CLCN6: variants seen among roughly 807,000 people sequenced by gnomAD.
CLCN6 encodes H(+)/Cl(-) exchange transporter 6.
CLCN6 carries 70 observed loss-of-function variants against 109.8 expected under a neutral mutation model. The ratio of observed to expected loss-of-function variants is 0.64; its 90% confidence interval spans 0.53 to 0.78. The LOEUF is 0.78. Ranked by LOEUF, CLCN6 falls within the 30% of genes least tolerant of loss-of-function variation. The pLI is 0.00. For missense variants in CLCN6, 984 were observed against 1,142.3 expected (o/e 0.86, Z 2.00); for synonymous variants, 444 against 447.8 (o/e 0.99, Z 0.11).
At chr1:11,827,808 T>G (rs1490763139) in intron 10 of CLCN6, among the ~76,000 whole-genome samples, 1 of 152,242 alleles carries the variant, frequency 6.6e-6, no homozygotes, top group Non-Finnish European at 1.5e-5. Flanking sequence ...GTCTTCTCCC[T>G]CAGAGCAGGC....
chr1:11,830,789 C>T (rs879364145), intron 13 of CLCN6, among the ~76,000 whole-genome samples: 42,335 of 120,358 alleles, frequency 0.35, 6,719 homozygotes, highest in Middle Eastern at 0.49. Flanking sequence ...TATATACACA[C>T]ACACACACAC....
At chr1:11,825,393 A>G (rs1644798902) in intron 8 of CLCN6, among the ~76,000 whole-genome samples, 1 of 152,248 alleles carries the variant, frequency 6.6e-6, no homozygotes, top group Non-Finnish European at 1.5e-5. Flanking sequence ...TTTGTGGGGC[A>G]GACAGAGGAC....
chr1:11,816,532 T>C, intron 3 of CLCN6, 83 bp from the exon 4 acceptor site: 2 of 1,317,762 alleles, frequency 1.5e-6, no homozygotes, highest in Non-Finnish European at 2.1e-6. Context: ...GAATTTAGCT[T>C]AAAACTGGTT....
At chr1:11,809,539 AC>A (rs1644570780) in intron 2 of CLCN6, among the ~76,000 whole-genome samples, 1 of 151,572 alleles carries the variant, frequency 6.6e-6, no homozygotes, top group Non-Finnish European at 1.5e-5. Flanking sequence ...TGCGACCTCC[AC>A]CCCCGCCTCT....
intron 4 of CLCN6, among the ~76,000 whole-genome samples, chr1:11,817,075 G>A (rs970712760): frequency 1.3e-5 from 2 of 151,774 alleles, no homozygotes; most frequent in Non-Finnish European, 2.9e-5. Context: ...AATAATGGAA[G>A]TTAAAGTTAC....
chr1:11,834,117 G>C lies in CLCN6; in HGVS notation c.1526+87G>C, dbSNP rs2100653292. The C allele has an allele frequency of 6.3e-7, 1 of 1,593,322 alleles. No homozygotes were observed. Among genetic ancestry groups the C allele is most frequent in the Non-Finnish European group, 8.5e-7 (1 of 1,170,330 alleles). On this transcript the variant is annotated intron_variant, in intron 15 of 22. Coordinates refer to ENST00000346436, the MANE Select transcript of CLCN6 (RefSeq NM_001286.5). This position sits in a 1 kb window ranked among gnomAD's most constrained non-coding sequence, Gnocchi z 4.5. The stretch of plus-strand genomic sequence containing the variant: ...GCATGTGTGTGCGTGTGCGTGCGTT[G>C]ATGTGTCTGTGCCCATGCATGCACA...
chr1:11,806,830 A>C, intron 1 of CLCN6: 1 of 410,040 alleles, frequency 2.4e-6, no homozygotes, highest in Non-Finnish European at 4.4e-6. Context: ...GATACGTCAC[A>C]CTGTCAAATG....
At chr1:11,812,130 AG>A (rs1255645877) in intron 2 of CLCN6, among the ~76,000 whole-genome samples, 1 of 152,160 alleles carries the variant, frequency 6.6e-6, no homozygotes, top group African/African-American at 2.4e-5. Context: ...AAAAAGTAGT[AG>A]GTTGTCACCT....
At chr1:11,824,961 C>T (rs1437633520) in intron 8 of CLCN6, among the ~76,000 whole-genome samples, 1 of 152,204 alleles carries the variant, frequency 6.6e-6, no homozygotes, top group African/African-American at 2.4e-5. Flanking sequence ...GTCATAATAA[C>T]TGCTGCTAAT....
In CLCN6 at chr1:11,835,706, G is replaced by A. The variant is rs552754796; in HGVS notation, c.1794-261G>A. On this transcript the variant is annotated intron_variant, in intron 17 of 22. Transcript: ENST00000346436. ...CCAGCAGCCAGGGCTTCCTGGTGAG[G>A]GGATGTTGCTGTTGAGCTGAGGGAT... Among the ~76,000 whole-genome samples the A allele has an allele frequency of 9.5e-4, 144 of 152,344 alleles. 2 individuals are homozygous for A. Among genetic ancestry groups the A allele is most frequent in the African/African-American group, 3.2e-3 (135 of 41,580 alleles).
rs960910605 is a variant in CLCN6, at chr1:11,838,618, G to A, written c.2487G>A (p.Thr829=). ...CCCAAGTCTTCAACCTGTTCAGAAC[G>A]ATGGGCCTGCGCCACCTGCCCGTGG... ...HVSQVFNLFR[T]MGLRHLPVVN... The change falls in exon 22 of 23, where the codon ACG becomes ACA. Residue 829 remains threonine (T), a synonymous_variant. Coordinates refer to ENST00000346436, the MANE Select transcript of CLCN6 (RefSeq NM_001286.5). 6.8e-6 allele frequency: 11 copies of A among 1,614,080 alleles called. No homozygotes were observed. Among genetic ancestry groups the A allele is most frequent in the African/African-American group, 6.7e-5 (5 of 74,922 alleles).
Position 11,833,623 on chromosome 1 carries a change from C to T in CLCN6, c.1357C>T (p.Leu453Phe), listed in dbSNP as rs374183427. 4.1e-5 allele frequency: 66 copies of T among 1,613,674 alleles called. No individual in the cohort carries two copies. The highest frequency in any genetic ancestry group is 5.3e-5 in the Non-Finnish European group (63 of 1,180,048). Reference sequence around the variant, plus strand: ...CCCGCAGGAGTCTGCCATCCTCCAGCTCTTCCACCAGGATGGTGAGTGTCT... The same window carrying T: ...CCCGCAGGAGTCTGCCATCCTCCAGTTCTTCCACCAGGATGGTGAGTGTCT... Reference protein sequence around the residue: ...FNPQESAILQLFHQDGTFSPV... With the variant: ...FNPQESAILQFFHQDGTFSPV... Residue 453 changes from leucine to phenylalanine, a missense_variant, in exon 14 of 23, where the codon CTC (leucine) becomes TTC (phenylalanine). Physicochemically the swap from Leu to Phe is conservative, Grantham distance 22 (BLOSUM62 0). Transcript: ENST00000346436.
intron 4 of CLCN6, among the ~76,000 whole-genome samples, chr1:11,818,292 T>C (rs1377010193): frequency 6.6e-6 from 1 of 152,046 alleles, no homozygotes; most frequent in African/African-American, 2.4e-5. Flanking sequence ...TATCAGAAAA[T>C]CCAAAATGCT....
At chr1:11,837,560 C>T (rs551616449) in intron 20 of CLCN6, 61 bp downstream of exon 20, 157 of 1,546,634 alleles carry the variant, frequency 1.0e-4, no homozygotes, top group Non-Finnish European at 1.3e-4. Flanking sequence ...AGGGGTTGGG[C>T]GCTGCCGGCG....
chr1:11,826,263 T>C (rs1274300167), intron 9 of CLCN6, 49 bp downstream of exon 9: 4 of 1,455,604 alleles, frequency 2.7e-6, no homozygotes, highest in Non-Finnish European at 3.9e-6. Context: ...AACATGTTCA[T>C]GCGCTGCGGG....
At chr1:11,828,767 A>T (rs1370421927) in intron 12 of CLCN6, 143 bp downstream of exon 12, 12 of 928,878 alleles carry the variant, frequency 1.3e-5, no homozygotes, top group Non-Finnish European at 1.8e-5. Flanking sequence ...ACGGCCATGC[A>T]TCTTCCCTAC....
chr1:11,824,657 G>T, intron 8 of CLCN6, 104 bp downstream of exon 8: 2 of 820,026 alleles, frequency 2.4e-6, no homozygotes, highest in South Asian at 2.2e-5. Flanking sequence ...ATTGGAACCT[G>T]GTGCCATTCT....
chr1:11,818,205 G>A (rs1644698875), intron 4 of CLCN6, among the ~76,000 whole-genome samples: 1 of 152,138 alleles, frequency 6.6e-6, no homozygotes. Flanking sequence ...TAGGCCTCTA[G>A]TTGTTAGTGT....
At position 11,834,851 on chromosome 1, in the gene CLCN6, A is replaced by G. The variant is rs1305129026; in HGVS notation, c.1793+261A>G. ...GTTTGACTCCCATGGCATTCTGGTT[A>G]GATATGAGGTGAGGTCTCTGGATCA... On this transcript the variant is annotated intron_variant, in intron 17 of 22. Coordinates refer to ENST00000346436, the MANE Select transcript of CLCN6 (RefSeq NM_001286.5). The surrounding 1 kb of genome is among the most constrained non-coding windows in gnomAD (Gnocchi z 4.5). Among the ~76,000 whole-genome samples, 1 of 152,146 alleles carries G rather than the reference A, an allele frequency of 6.6e-6. No homozygotes were observed. Among genetic ancestry groups the G allele is most frequent in the Non-Finnish European group, 1.5e-5 (1 of 68,026 alleles).
Sources: allele counts gnomAD v4.1 joint callset (sites outside exome capture counted in the v4.1 genomes callset), GRCh38; gene constraint gnomAD v4.1.1; non-coding constraint Gnocchi (gnomAD v3.1); transcripts MANE v1.5; gene names NCBI Gene and HGNC (gene_info 2026-07-23, HGNC 2026-07-21).